The following LRRC8C variants were observed in gnomAD, a reference collection of about 807,000 sequenced individuals.
LRRC8C encodes the protein leucine rich repeat containing 8 VRAC subunit C.
LRRC8C carries 20 observed loss-of-function variants against 55.3 expected under a neutral mutation model. The observed-to-expected ratio is 0.36, with a 90% confidence interval of 0.25 to 0.53. The LOEUF (loss-of-function observed/expected upper bound fraction) is 0.53. Ranked by LOEUF, LRRC8C falls within the 20% of genes least tolerant of loss-of-function variation. The pLI is 0.92. For missense variants in LRRC8C, 659 were observed against 951.4 expected (o/e 0.69, Z 4.04); for synonymous variants, 376 against 360.7 (o/e 1.04, Z -0.48).
At chr1:89,700,879 A>G (rs954175523) in intron 2 of LRRC8C, among the ~76,000 whole-genome samples, 2 of 152,248 alleles carry the variant, frequency 1.3e-5, no homozygotes, top group African/African-American at 4.8e-5. Flanking sequence ...ATAAGACACA[A>G]TCTAAAGACT....
intron 2 of LRRC8C, among the ~76,000 whole-genome samples, chr1:89,711,314 C>T (rs188606867): frequency 8.3e-4 from 126 of 152,304 alleles, no homozygotes; most frequent in African/African-American, 2.7e-3. Context: ...GTCACCAGCT[C>T]GTGGTCACCT....
chr1:89,685,013 C>T (rs901186851), intron 1 of LRRC8C, among the ~76,000 whole-genome samples: 14 of 150,522 alleles, frequency 9.3e-5, no homozygotes, highest in African/African-American at 2.0e-4. Context: ...TGCAGCAAGA[C>T]GGAATAGATA....
In LRRC8C at chr1:89,659,048, G is replaced by GTTTTTT. The variant is rs771955175; in HGVS notation, c.-5+25735_-5+25740dup. On this transcript the variant is annotated intron_variant, in intron 1 of 2. Transcript: ENST00000370454. The stretch of plus-strand genomic sequence containing the variant: ...AAATTTTAGGTTGTGTCTTCTCCAG[G>GTTTTTT]TTTTTTTTTTTTTTGTGTGTGTGTG... Among the ~76,000 whole-genome samples, 80 of 26,206 alleles carry GTTTTTT rather than the reference G, an allele frequency of 3.1e-3. 9 individuals carry two copies. The highest frequency in any genetic ancestry group is 8.9e-3 in the South Asian group (6 of 674). The allele number at this position is 26,206 out of a possible 152,430, so 17.2% of individuals were successfully genotyped here.
chr1:89,663,950 C>T (rs1036850467), intron 1 of LRRC8C, among the ~76,000 whole-genome samples: 4 of 152,178 alleles, frequency 2.6e-5, no homozygotes, highest in African/African-American at 2.4e-5. Context: ...TTCATATCCT[C>T]TGCCCACTTT....
intron 1 of LRRC8C, chr1:89,668,028 G>A (rs1657319324): frequency 6.6e-6 from 1 of 152,492 alleles, no homozygotes; most frequent in Admixed American, 6.6e-5. Flanking sequence ...GAAACATCAG[G>A]GAAAGGAAAT....
rs894404114 is a variant in LRRC8C at position 89,717,190 on chromosome 1, G to A, written c.*2208G>A. Reference sequence around the variant, plus strand: ...TTGTTGGCCGATTGTCCATGGTTGAGCATGACAAAAATACCTCGTCGAAAG... The same window carrying A: ...TTGTTGGCCGATTGTCCATGGTTGAACATGACAAAAATACCTCGTCGAAAG... On this transcript the variant is annotated 3_prime_UTR_variant, in exon 3 of 3. Coordinates refer to ENST00000370454, the MANE Select transcript of LRRC8C (RefSeq NM_032270.5). 1 of 152,088 alleles carries A rather than the reference G, an allele frequency of 6.6e-6. No homozygotes were observed. The highest frequency in any genetic ancestry group is 2.1e-4 in the South Asian group (1 of 4,826). 9.4% of individuals were successfully genotyped at this position (152,088 alleles called of 1,614,324 possible).
At chr1:89,705,897 C>T (rs1161641923) in intron 2 of LRRC8C, among the ~76,000 whole-genome samples, 1 of 152,042 alleles carries the variant, frequency 6.6e-6, no homozygotes, top group Non-Finnish European at 1.5e-5. Context: ...CTGTAAAACA[C>T]TCTTGAAAGG....
chr1:89,691,807 T>C (rs544144207), intron 2 of LRRC8C, among the ~76,000 whole-genome samples: 1 of 152,240 alleles, frequency 6.6e-6, no homozygotes, highest in African/African-American at 2.4e-5. Flanking sequence ...AGGGCAAGGT[T>C]TGGCTTATAA....
chr1:89,715,180 G>A lies in LRRC8C; in HGVS notation c.*198G>A. 2.7e-6 allele frequency: 1 copy of A among 368,248 alleles called. No homozygotes were observed. Among genetic ancestry groups the A allele is most frequent in the Non-Finnish European group, 4.8e-6 (1 of 209,298 alleles). The allele number at this position is 368,248 out of a possible 1,614,324, so 22.8% of individuals were successfully genotyped here. ...AATATTTTGAAGTTTTATTTGTCTT[G>A]AAACACAATGTATCTATTATCTACT... On this transcript the variant is annotated 3_prime_UTR_variant, in exon 3 of 3. Transcript: ENST00000370454.
At chr1:89,701,359 C>T (rs900780669) in intron 2 of LRRC8C, among the ~76,000 whole-genome samples, 2 of 151,810 alleles carry the variant, frequency 1.3e-5, no homozygotes, top group African/African-American at 2.4e-5. Context: ...ACCTGTAGTC[C>T]CAGCTACTTG....
At chr1:89,702,058 C>T (rs1000289589) in intron 2 of LRRC8C, among the ~76,000 whole-genome samples, 2 of 152,112 alleles carry the variant, frequency 1.3e-5, no homozygotes, top group Admixed American at 1.3e-4. Context: ...GCCAGTACTT[C>T]AGAGGAAAGT....
At chr1:89,661,329 C>A in intron 1 of LRRC8C, 1 of 358,046 alleles carries the variant, frequency 2.8e-6, no homozygotes, top group Non-Finnish European at 5.5e-6. Context: ...TCTGTCCCAA[C>A]TAACATCTGG....
intron 2 of LRRC8C, among the ~76,000 whole-genome samples, chr1:89,712,225 G>T (rs906630553): frequency 6.6e-5 from 10 of 152,278 alleles, no homozygotes; most frequent in Admixed American, 2.0e-4. Context: ...CAATTCTCCT[G>T]CCTCAACCTC....
In LRRC8C at chr1:89,712,922, C is replaced by T. The variant is rs779912520; in HGVS notation, c.352C>T (p.Arg118Ter). ...CTTTATAAATCAGATGTGTTATGAG[C>T]GAGCCCTCCACTGGTATGCCAAGTA... ...YSFINQMCYE[R>*]ALHWYAKYFP... The change falls in exon 3 of 3, where the codon CGA becomes TGA. Residue 118 changes from arginine (R) to a stop codon, truncating the protein, a stop_gained. Coordinates refer to ENST00000370454, the MANE Select transcript of LRRC8C (RefSeq NM_032270.5). LOFTEE classifies it high-confidence loss of function. 1.9e-6 allele frequency: 3 copies of T among 1,613,690 alleles called. No homozygotes were observed. Among genetic ancestry groups the T allele is most frequent in the Non-Finnish European group, 2.5e-6 (3 of 1,180,030 alleles).
At chr1:89,679,368 A>G (rs1458126133) in intron 1 of LRRC8C, among the ~76,000 whole-genome samples, 1 of 152,196 alleles carries the variant, frequency 6.6e-6, no homozygotes, top group Admixed American at 6.5e-5. Context: ...AGCCTGGCCA[A>G]CATGGTGAAA....
chr1:89,716,157 C>T lies in LRRC8C; in HGVS notation c.*1175C>T, dbSNP rs1658812686. ...GTAACAACTATTTAAATAGGATTTA[C>T]ATTGTTTTAGGTATTATAAATTACC... On this transcript the variant is annotated 3_prime_UTR_variant, in exon 3 of 3. Coordinates refer to ENST00000370454, the MANE Select transcript of LRRC8C (RefSeq NM_032270.5). 6.6e-6 allele frequency: 1 copy of T among 152,104 alleles called. No homozygotes were observed. The highest frequency in any genetic ancestry group is 2.1e-4 in the South Asian group (1 of 4,832). 9.4% of individuals were successfully genotyped at this position (152,104 alleles called of 1,614,324 possible).
chr1:89,663,876 A>G (rs968923847), intron 1 of LRRC8C, among the ~76,000 whole-genome samples: 1 of 152,160 alleles, frequency 6.6e-6, no homozygotes, highest in East Asian at 1.9e-4. Flanking sequence ...TCTGATGACC[A>G]GTGATGATGA....
intron 1 of LRRC8C, among the ~76,000 whole-genome samples, chr1:89,672,249 T>G (rs1445065036): frequency 3.9e-5 from 6 of 152,228 alleles, no homozygotes; most frequent in African/African-American, 1.4e-4. Context: ...CATCACTTCC[T>G]AAACCCCCAG....
chr1:89,711,445 G>A (rs1658646256), intron 2 of LRRC8C, among the ~76,000 whole-genome samples: 1 of 152,188 alleles, frequency 6.6e-6, no homozygotes, highest in Non-Finnish European at 1.5e-5. Context: ...AAACATTGTG[G>A]ATTTTCAGCC....
Sources: gnomAD v4.1 joint callset for allele counts (sites outside exome capture counted in the v4.1 genomes callset) on GRCh38, gnomAD v4.1.1 for gene constraint, MANE v1.5 for transcripts, NCBI Gene and HGNC (gene_info 2026-07-23, HGNC 2026-07-21) for gene names.